DTX2: variants seen among roughly 807,000 people sequenced by gnomAD.
The protein encoded by DTX2 is probable E3 ubiquitin-protein ligase DTX2.
A neutral mutation model predicts 55.3 loss-of-function variants in DTX2; 29 were observed. The ratio of observed to expected loss-of-function variants is 0.52; its 90% CI spans 0.39 to 0.71. DTX2 has a LOEUF of 0.71. DTX2 is among the 30% of genes least tolerant of loss of function. The pLI, the probability that DTX2 is intolerant of heterozygous loss-of-function variation, is 0.00. For missense variants in DTX2, 537 were observed against 822.5 expected (o/e 0.65, Z 4.25); for synonymous variants, 276 against 340.4 (o/e 0.81, Z 2.08).
rs73703182 is a variant in DTX2 at position 76,503,488 on chromosome 7, C to G, written c.1452C>G (p.Pro484=). 5,460 of 1,612,968 alleles carry G rather than the reference C, an allele frequency of 3.4e-3. 156 individuals are homozygous for G. In the African/African-American group the frequency reaches 0.062, roughly 18 times the overall value. The part of the protein sequence containing the change: ...TIYGEKTGTQ[P]QGKMEVLRFQ... ...ATGGAGAGAAGACGGGGACCCAGCC[C>G]CAGGGAAAGATGGAGGTATTACGGT... The change falls in exon 9 of 11, where the codon CCC becomes CCG. Residue 484 remains proline, a synonymous_variant. Transcript: ENST00000430490.
chr7:76,479,915 G>T (rs375711612), intron 2 of DTX2, among the ~76,000 whole-genome samples: 1 of 150,772 alleles, frequency 6.6e-6, no homozygotes, highest in Admixed American at 6.6e-5. Flanking sequence ...GCGGCGGTAC[G>T]TAGGCTGCGG....
chr7:76,483,363 G>C (rs1403764948), intron 4 of DTX2, among the ~76,000 whole-genome samples: 2 of 152,220 alleles, frequency 1.3e-5, no homozygotes, highest in South Asian at 2.1e-4. Context: ...ACACGGGTTA[G>C]AATCTACAGT....
chr7:76,482,519 G>A lies in DTX2; in HGVS notation c.280G>A (p.Ala94Thr), dbSNP rs2462312. ...TCCTTTGAAAATAGGCACCATGCGG[G>A]CTGTGCGGAGACACCTGTTCCCCCA... ...QFRQDTGTMR[A>T]VRRHLFPQHS... Residue 94 changes from alanine (A) to threonine (T), a missense_variant, in exon 4 of 11, where the codon GCT becomes ACT. By Grantham distance (58) the Ala-to-Thr change is moderately conservative. This residue lies in a region of DTX2 where 301 missense variants were observed against 396.6 expected (regional missense o/e 0.76). Transcript: ENST00000430490. 3.0e-5 allele frequency: 48 copies of A among 1,595,766 alleles called. No individual in the cohort carries two copies. Among genetic ancestry groups the A allele is most frequent in the Non-Finnish European group, 4.0e-5 (47 of 1,167,050 alleles).
chr7:76,483,383 C>CA (rs1809546164), intron 4 of DTX2, among the ~76,000 whole-genome samples: 1 of 152,256 alleles, frequency 6.6e-6, no homozygotes, highest in South Asian at 2.1e-4. Context: ...TCCTTTCACT[C>CA]ATGATGATTA....
intron 3 of DTX2, among the ~76,000 whole-genome samples, chr7:76,481,049 G>T (rs973000185): frequency 2.0e-5 from 3 of 152,378 alleles, no homozygotes; most frequent in African/African-American, 7.2e-5. Context: ...TCCTTTGGCC[G>T]GCAGGCCGGC....
In DTX2 at chr7:76,482,806, G is replaced by A. The variant is rs59218104; in HGVS notation, c.567G>A (p.Pro189=). The part of the protein sequence containing the change: ...PYPVTTIIAP[P]GHTGVACSCH... ...CGGTGACCACCATCATCGCTCCGCC[G>A]GGCCACACAGGCGTCGCCTGCTCTT... Residue 189 remains proline (P), a synonymous_variant, in exon 4 of 11, where the codon CCG becomes CCA. Transcript: ENST00000430490. 8.7e-3 allele frequency: 13,974 copies of A among 1,613,690 alleles called. 639 individuals carry two copies. The African/African-American group carries it at 0.13, about 15-fold the overall frequency.
At position 76,505,694 on chromosome 7, in the gene DTX2, G is replaced by A. The variant is rs1276917596; in HGVS notation, c.*93G>A. On this transcript the variant is annotated 3_prime_UTR_variant, in exon 11 of 11. Transcript: ENST00000430490. The surrounding 1 kb of genome is among the most constrained non-coding windows in gnomAD (Gnocchi z 4.4). ...CAGGAAGTGCCCAGCCCGAGAGGCT[G>A]GGAGGTTTGTTGAGGGTGTGGGGTG... 4.4e-6 allele frequency: 6 copies of A among 1,374,028 alleles called. No individual in the cohort carries two copies. Among genetic ancestry groups the A allele is most frequent in the Non-Finnish European group, 5.9e-6 (6 of 1,013,440 alleles). 85.1% of individuals were successfully genotyped at this position (1,374,028 alleles called of 1,614,324 possible).
intron 7 of DTX2, among the ~76,000 whole-genome samples, chr7:76,500,985 C>G (rs1473938856): frequency 4.6e-5 from 7 of 152,174 alleles, no homozygotes; most frequent in African/African-American, 7.2e-5. Flanking sequence ...GTGGCGTGAT[C>G]ACAGCTCACT....
In DTX2 at chr7:76,503,584, C is replaced by G. The variant is rs138592614; in HGVS notation, c.1548C>G (p.Ile516Met). 4 of 1,609,702 alleles carry G rather than the reference C, an allele frequency of 2.5e-6. No homozygotes were observed. In the East Asian group the frequency reaches 8.9e-5, roughly 36 times the overall value. ...TAGTTTACAGCATTCCCCATGGTAT[C>G]CAGGTGAGGGGCCTTCTTGAGTCCC... is the stretch of plus-strand genomic sequence containing the variant. Reference protein sequence around the residue: ...ILIVYSIPHGIQGPEHPNPGK... With the variant: ...ILIVYSIPHGMQGPEHPNPGK... Residue 516 changes from isoleucine to methionine, a missense_variant, in exon 9 of 11, where the codon ATC becomes ATG. Ile to Met is a conservative substitution (Grantham distance 10). Coordinates refer to ENST00000430490, the MANE Select transcript of DTX2 (RefSeq NM_001102594.3).
At chr7:76,469,435 C>G (rs1302835499) in intron 2 of DTX2, among the ~76,000 whole-genome samples, 6 of 136,126 alleles carry the variant, frequency 4.4e-5, no homozygotes, top group Non-Finnish European at 9.1e-5. Context: ...TTCTGTCGCC[C>G]AAGCTGGAGT....
At position 76,505,195 on chromosome 7, in the gene DTX2, A is replaced by C. The variant is rs1371325889; in HGVS notation, c.1642-179A>C. Among the ~76,000 whole-genome samples the C allele has an allele frequency of 2.0e-5, 3 of 152,028 alleles. No individual in the cohort carries two copies. Among genetic ancestry groups the C allele is most frequent in the Non-Finnish European group, 4.4e-5 (3 of 67,976 alleles). ...GGAGCCCAGGTTCATGTGGGATCCT[A>C]ATGTACTATCCAGTGGGCAGTTTTG... On this transcript the variant is annotated intron_variant, in intron 10 of 10. Transcript: ENST00000430490. This position sits in a 1 kb window ranked among gnomAD's most constrained non-coding sequence, Gnocchi z 4.4.
chr7:76,473,522 C>T (rs1391655441), intron 2 of DTX2, among the ~76,000 whole-genome samples: 1 of 108,892 alleles, frequency 9.2e-6, no homozygotes, highest in East Asian at 2.9e-4. Flanking sequence ...TCCCATTTTG[C>T]AGTCAGGTGC....
intron 2 of DTX2, among the ~76,000 whole-genome samples, chr7:76,472,446 C>T (rs1808038953): frequency 6.9e-6 from 1 of 144,766 alleles, no homozygotes; most frequent in Non-Finnish European, 1.5e-5. Flanking sequence ...CCTGCCTCAG[C>T]TTCCCAGGTA....
chr7:76,476,672 T>G (rs1286337010), intron 2 of DTX2, among the ~76,000 whole-genome samples: 1 of 150,996 alleles, frequency 6.6e-6, no homozygotes, highest in African/African-American at 2.4e-5. Flanking sequence ...GCGTGTTTGC[T>G]TGGGGGCTGG....
Position 76,505,500 on chromosome 7 carries a change from A to C in DTX2, c.1768A>C (p.Asn590His), listed in dbSNP as rs1214359142. The change falls in exon 11 of 11, where the codon AAC becomes CAC. Residue 590 changes from asparagine (N) to histidine (H), a missense_variant. Coordinates refer to ENST00000430490, the MANE Select transcript of DTX2 (RefSeq NM_001102594.3). The surrounding 1 kb of genome is among the most constrained non-coding windows in gnomAD (Gnocchi z 4.4). ...CCACCACAAGACAGAGATGGACCGCAACATTACGGGCCACGGCTATCCCGA... is the reference window on the plus strand; with the variant it reads ...CCACCACAAGACAGAGATGGACCGCCACATTACGGGCCACGGCTATCCCGA... ...EIHHKTEMDR[N>H]ITGHGYPDPN... 1.2e-5 allele frequency: 20 copies of C among 1,609,852 alleles called. No homozygotes were observed. The highest frequency in any genetic ancestry group is 1.7e-5 in the Non-Finnish European group (20 of 1,178,280).
At chr7:76,504,975 G>A (rs1333094334) in intron 10 of DTX2, among the ~76,000 whole-genome samples, 2 of 151,208 alleles carry the variant, frequency 1.3e-5, no homozygotes, top group Non-Finnish European at 2.9e-5. Flanking sequence ...GGCCGTGTGA[G>A]AATGGGCTTG....
At chr7:76,469,253 C>T (rs546589733) in intron 2 of DTX2, among the ~76,000 whole-genome samples, 1 of 150,014 alleles carries the variant, frequency 6.7e-6, no homozygotes, top group East Asian at 2.0e-4. Context: ...GAGGACGTTC[C>T]AGCCACCATT....
In DTX2 at chr7:76,483,052, T is replaced by C; in HGVS notation, c.813T>C (p.Pro271=). 1 of 1,613,326 alleles carries C rather than the reference T, an allele frequency of 6.2e-7. No homozygotes were observed. Among genetic ancestry groups the C allele is most frequent in the Non-Finnish European group, 8.5e-7 (1 of 1,179,716 alleles). Residue 271 remains proline (P), a synonymous_variant, in exon 4 of 11, where the codon CCT becomes CCC. Coordinates refer to ENST00000430490, the MANE Select transcript of DTX2 (RefSeq NM_001102594.3). ...CCACCAACGCCTGGGGCGCAGCTCCTCCTTCCCTGGGGAGCCAGCCCCTCT... is the reference window on the plus strand; with the variant it reads ...CCACCAACGCCTGGGGCGCAGCTCCCCCTTCCCTGGGGAGCCAGCCCCTCT... ...LNTTNAWGAA[P]PSLGSQPLYR... is the part of the protein sequence containing the mutation.
At chr7:76,481,712 G>A (rs1235668688) in intron 3 of DTX2, among the ~76,000 whole-genome samples, 5 of 152,118 alleles carry the variant, frequency 3.3e-5, no homozygotes, top group Non-Finnish European at 5.9e-5. Flanking sequence ...ATCCGGCAGT[G>A]CACTGGGCTG....
Sources: allele counts gnomAD v4.1 joint callset (sites outside exome capture counted in the v4.1 genomes callset), GRCh38; gene constraint gnomAD v4.1.1; regional missense constraint gnomAD v4.1.1; non-coding constraint Gnocchi (gnomAD v3.1); transcripts MANE v1.5; gene names NCBI Gene and HGNC (gene_info 2026-07-23, HGNC 2026-07-21).